RYR3: variants seen among roughly 807,000 people sequenced by gnomAD.
The protein encoded by RYR3 is brain ryanodine receptor-calcium release channel.
Under a neutral mutation model 584.3 loss-of-function variants are expected in RYR3, and 207 were observed. The ratio of observed to expected loss-of-function variants is 0.35; its 90% confidence interval spans 0.32 to 0.40. The LOEUF (loss-of-function observed/expected upper bound fraction) is 0.40. RYR3 is among the 10% of genes least tolerant of loss of function. RYR3 has a pLI of 1.00. For synonymous variants in RYR3, 2,416 were observed against 2,248.5 expected (o/e 1.07, Z -2.11); for missense variants, 5,616 against 6,089.2 (o/e 0.92, Z 2.59).
intron 65 of RYR3, among the ~76,000 whole-genome samples, chr15:33,781,668 G>C (rs17236553): frequency 0.19 from 29,475 of 152,036 alleles, 3,509 homozygotes; most frequent in South Asian, 0.27. Context: ...TTCAGATAAG[G>C]CCACTAATAA....
At chr15:33,705,101 T>TCTCTCTCTCTCTCTCTCTCTC (rs1156781766) in intron 42 of RYR3, among the ~76,000 whole-genome samples, 7 of 142,100 alleles carry the variant, frequency 4.9e-5, no homozygotes, top group African/African-American at 1.9e-4. Flanking sequence ...CACACACTCT[T>TCTCTCTCTCTCTCTCTCTCTC]TCTCTCTCTC....
chr15:33,507,687 G>T (rs74005669), intron 3 of RYR3, among the ~76,000 whole-genome samples: 5,942 of 152,234 alleles, frequency 0.039, 136 homozygotes, highest in African/African-American at 0.057. Context: ...TGACTTTAAA[G>T]TGAGAGCAAA....
chr15:33,379,334 T>C (rs1261485813), intron 1 of RYR3, among the ~76,000 whole-genome samples: 1 of 152,222 alleles, frequency 6.6e-6, no homozygotes, highest in Non-Finnish European at 1.5e-5. Context: ...TTTCTCATTA[T>C]GCTCTAGAGG....
Position 33,865,279 on chromosome 15 carries a change from A to C in RYR3, c.*53A>C. ...TGGACAGTCAACTTCCCATGAAATA[A>C]AGTCCCCTTTTTACAGTTCTGCAAC... On this transcript the variant is annotated 3_prime_UTR_variant, in exon 104 of 104. Transcript: ENST00000634891. 3.0e-6 allele frequency: 4 copies of C among 1,326,588 alleles called. No individual in the cohort carries two copies. Among genetic ancestry groups the C allele is most frequent in the Non-Finnish European group, 4.3e-6 (4 of 928,614 alleles). 82.2% of individuals were successfully genotyped at this position (1,326,588 alleles called of 1,614,324 possible).
intron 31 of RYR3, among the ~76,000 whole-genome samples, chr15:33,651,980 A>G (rs2062502920): frequency 6.6e-6 from 1 of 152,114 alleles, no homozygotes; most frequent in Non-Finnish European, 1.5e-5. Flanking sequence ...AAATCCTACA[A>G]TTGGGGAATC....
chr15:33,459,013 C>T (rs1315876528), intron 1 of RYR3, among the ~76,000 whole-genome samples: 2 of 152,348 alleles, frequency 1.3e-5, no homozygotes, highest in Non-Finnish European at 1.5e-5. Context: ...CCCCAGCTGT[C>T]ACTTCTGACC....
chr15:33,348,909 C>T (rs1472972249), intron 1 of RYR3, among the ~76,000 whole-genome samples: 1 of 151,982 alleles, frequency 6.6e-6, no homozygotes, highest in Non-Finnish European at 1.5e-5. Context: ...CCTAAAAATC[C>T]CCTGTGTTTT....
chr15:33,814,900 CAAAAAAA>C (rs66623531), intron 74 of RYR3, among the ~76,000 whole-genome samples: 3 of 91,816 alleles, frequency 3.3e-5, no homozygotes, highest in South Asian at 4.3e-4. Flanking sequence ...GACTCTGTCT[CAAAAAAA>C]AAAAAAAAAA....
chr15:33,612,390 C>T (rs2060239802), intron 18 of RYR3, among the ~76,000 whole-genome samples: 1 of 152,096 alleles, frequency 6.6e-6, no homozygotes, highest in Admixed American at 6.5e-5. Flanking sequence ...GATGGAGTTT[C>T]ACTCTTGTTG....
intron 45 of RYR3, 21 bp from the exon 46 acceptor site, chr15:33,726,365 A>G (rs1379829152): frequency 1.2e-6 from 2 of 1,612,586 alleles, no homozygotes. Flanking sequence ...ATCTAATGTC[A>G]TTCTCAACCC....
intron 73 of RYR3, 89 bp from the exon 74 acceptor site, chr15:33,813,378 C>T: frequency 8.6e-7 from 1 of 1,157,648 alleles, no homozygotes; most frequent in Non-Finnish European, 1.3e-6. Flanking sequence ...AAAATTCTTC[C>T]AGAATGAAGA....
At chr15:33,836,859 T>C in intron 87 of RYR3, 47 bp from the exon 88 acceptor site, 1 of 1,513,294 alleles carries the variant, frequency 6.6e-7, no homozygotes, top group Non-Finnish European at 9.1e-7. Context: ...CCCTGTACTT[T>C]ACTGAGGGAT....
At position 33,739,837 on chromosome 15, in the gene RYR3, T is replaced by C. The variant is rs1211905175; in HGVS notation, c.7662T>C (p.Tyr2554=). The C allele has an allele frequency of 4.3e-6, 7 of 1,612,748 alleles. No individual in the cohort carries two copies. In the East Asian group the frequency reaches 6.7e-5, roughly 15 times the overall value. The part of the protein sequence containing the change: ...GIFDSLSHKK[Y]DPDLFRMALP... ...GCCTTGTTTTTCCCTCACAGAAATA[T>C]GACCCAGATCTTTTCCGAATGGCCC... The change falls in exon 51 of 104, where the codon TAT becomes TAC. Residue 2554 remains tyrosine (Y), a synonymous_variant. Transcript: ENST00000634891.
At chr15:33,700,922 A>C in intron 41 of RYR3, 55 bp from the exon 42 acceptor site, 1 of 1,307,408 alleles carries the variant, frequency 7.6e-7, no homozygotes, top group Non-Finnish European at 1.1e-6. Flanking sequence ...GTCTCAGCTC[A>C]GCACTGAGTG....
chr15:33,441,668 C>A (rs950839310), intron 1 of RYR3, among the ~76,000 whole-genome samples: 1 of 152,196 alleles, frequency 6.6e-6, no homozygotes, highest in African/African-American at 2.4e-5. Context: ...ACAAAATGTT[C>A]ATTCCCTAGA....
chr15:33,627,944 T>C (rs1260491053), intron 20 of RYR3, among the ~76,000 whole-genome samples: 2 of 152,026 alleles, frequency 1.3e-5, no homozygotes, highest in Non-Finnish European at 2.9e-5. Context: ...GGAAGGATAA[T>C]AGGATGACTT....
At chr15:33,766,442 C>G (rs2073080612) in intron 60 of RYR3, among the ~76,000 whole-genome samples, 1 of 152,196 alleles carries the variant, frequency 6.6e-6, no homozygotes, top group Non-Finnish European at 1.5e-5. Flanking sequence ...GACCGAAGAC[C>G]TCCTAAACAT....
At chr15:33,564,412 G>T (rs139293757) in intron 11 of RYR3, among the ~76,000 whole-genome samples, 1 of 152,300 alleles carries the variant, frequency 6.6e-6, no homozygotes, top group East Asian at 1.9e-4. Context: ...AGTTGGAATT[G>T]CCCTGGAAAA....
intron 64 of RYR3, among the ~76,000 whole-genome samples, chr15:33,776,628 C>T (rs1281332726): frequency 3.3e-5 from 5 of 152,194 alleles, no homozygotes; most frequent in Admixed American, 6.5e-5. Context: ...TGTCTAGACC[C>T]GTGTCCTGCC....
Sources: allele counts gnomAD v4.1 joint callset (sites outside exome capture counted in the v4.1 genomes callset), GRCh38; gene constraint gnomAD v4.1.1; transcripts MANE v1.5; gene names NCBI Gene and HGNC (gene_info 2026-07-23, HGNC 2026-07-21).